ALG12: variants seen among roughly 807,000 people sequenced by gnomAD.
ALG12 encodes dol-P-Man:Man(7)GlcNAc(2)-PP-Dol alpha-1,6-mannosyltransferase.
In ALG12, 36 loss-of-function variants were observed where a neutral mutation model predicts 46.0. The ratio of observed to expected loss-of-function variants is 0.78; its 90% CI spans 0.60 to 1.03. The LOEUF (loss-of-function observed/expected upper bound fraction) is 1.03, where lower values mean the gene tolerates loss of function less well. Ranked by LOEUF, ALG12 falls within the 50% of genes least tolerant of loss-of-function variation. The probability of loss-of-function intolerance (pLI) is 0.00; values close to 1 mark genes in which losing one functional copy is unlikely to be tolerated. For synonymous variants in ALG12, 326 were observed against 291.6 expected (o/e 1.12, Z -1.20); for missense variants, 599 against 633.5 (o/e 0.95, Z 0.58).
At chr22:49,915,484 G>A (rs1156234833) in intron 1 of ALG12, among the ~76,000 whole-genome samples, 1 of 151,076 alleles carries the variant, frequency 6.6e-6, no homozygotes, top group East Asian at 1.9e-4. Flanking sequence ...TTGAGCCCAG[G>A]AGGCAGAGGC....
At position 49,902,971 on chromosome 22, in the gene ALG12, CTG is replaced by C. The variant is rs368052681; in HGVS notation, c.*865_*866del. On this transcript the variant is annotated 3_prime_UTR_variant, in exon 10 of 10. Transcript: ENST00000330817. ...TATGCATGGTGTGTGCACGTGTGCA[CTG>C]TGTGCATGCGTGTGTGGTGTGTGTG... 1,119 of 320,444 alleles carry C rather than the reference CTG, an allele frequency of 3.5e-3. 10 individuals are homozygous for C. Among genetic ancestry groups the C allele is most frequent in the African/African-American group, 0.023 (1,009 of 44,622 alleles). 19.9% of individuals were successfully genotyped at this position (320,444 alleles called of 1,614,324 possible). A position where few individuals can be genotyped will look rare whatever the true frequency, so the allele number is the denominator to read the frequency against.
chr22:49,884,083 A>G, the ALG12 span: 1 of 1,611,822 alleles, frequency 6.2e-7, no homozygotes, highest in East Asian at 2.2e-5. Context: ...GTACTGTGTG[A>G]AGGAGTTCAG....
chr22:49,914,983 C>T (rs888543576), intron 1 of ALG12, among the ~76,000 whole-genome samples: 1 of 152,246 alleles, frequency 6.6e-6, no homozygotes, highest in African/African-American at 2.4e-5. Flanking sequence ...CCTACCTTGG[C>T]CTCCTGAAGT....
At chr22:49,864,747 G>C in the ALG12 span, among the ~76,000 whole-genome samples, 8 of 147,172 alleles carry the variant, frequency 5.4e-5, no homozygotes, top group Non-Finnish European at 1.2e-4. Flanking sequence ...CTTGGGCCCA[G>C]GAGTTTGAGG....
chr22:49,871,039 C>T, the ALG12 span, among the ~76,000 whole-genome samples: 1 of 150,748 alleles, frequency 6.6e-6, no homozygotes, highest in Admixed American at 6.6e-5. Context: ...CTCCAGGGTT[C>T]AAGCAATTCT....
At chr22:49,875,038 G>A in the ALG12 span, among the ~76,000 whole-genome samples, 3 of 152,010 alleles carry the variant, frequency 2.0e-5, no homozygotes, top group African/African-American at 7.2e-5. Flanking sequence ...GAATCATGAC[G>A]TATTATCTTT....
chr22:49,911,647 T>TA (rs746176412), intron 3 of ALG12, among the ~76,000 whole-genome samples: 2 of 152,162 alleles, frequency 1.3e-5, no homozygotes, highest in Non-Finnish European at 2.9e-5. Context: ...TTGGCCAGGA[T>TA]GGTCTCAAAC....
At chr22:49,899,093 T>C (rs1217085262), downstream of ALG12, among the ~76,000 whole-genome samples, 1 of 152,094 alleles carries the variant, frequency 6.6e-6, no homozygotes, top group Non-Finnish European at 1.5e-5. Flanking sequence ...AGTTTGAGAC[T>C]AGCCTAGGCA....
At chr22:49,894,164 CA>C in the ALG12 span, among the ~76,000 whole-genome samples, 1 of 151,766 alleles carries the variant, frequency 6.6e-6, no homozygotes, top group East Asian at 1.9e-4. Context: ...GACTTCATCT[CA>C]AAAAAAATAA....
the ALG12 span, among the ~76,000 whole-genome samples, chr22:49,880,167 C>T: frequency 2.0e-5 from 3 of 152,136 alleles, no homozygotes. Flanking sequence ...CCTAACACGG[C>T]TTAAAAGAGC....
the ALG12 span, chr22:49,884,595 C>T: frequency 5.6e-6 from 9 of 1,612,080 alleles, no homozygotes; most frequent in East Asian, 2.2e-5. Flanking sequence ...ACTGCATGAA[C>T]GAGTTCAGCC....
At chr22:49,870,176 A>G in the ALG12 span, among the ~76,000 whole-genome samples, 8 of 152,324 alleles carry the variant, frequency 5.3e-5, no homozygotes, top group East Asian at 1.5e-3. Context: ...TTATGGCTGT[A>G]TAATATTCCA....
chr22:49,874,698 T>TTTTTTTTTG, the ALG12 span, among the ~76,000 whole-genome samples: 1 of 142,292 alleles, frequency 7.0e-6, no homozygotes, highest in Non-Finnish European at 1.5e-5. Context: ...TTTTTTTTTT[T>TTTTTTTTTG]GAGACGGAGT....
chr22:49,889,571 G>A, the ALG12 span: 3 of 167,122 alleles, frequency 1.8e-5, no homozygotes, highest in Non-Finnish European at 1.5e-5. Context: ...AAAAAATGAG[G>A]GCTTGCTTTA....
At chr22:49,871,000 G>A in the ALG12 span, among the ~76,000 whole-genome samples, 13 of 149,892 alleles carry the variant, frequency 8.7e-5, no homozygotes, top group African/African-American at 3.2e-4. Context: ...GAGTGCAGTG[G>A]TGCAATCTTG....
chr22:49,903,694 TG>T lies in ALG12; in HGVS notation c.*143del, dbSNP rs1471763499. The T allele has an allele frequency of 4.3e-6, 4 of 938,956 alleles. No individual in the cohort carries two copies. The highest frequency in any genetic ancestry group is 3.3e-6 in the Non-Finnish European group (2 of 598,058). The allele number at this position is 938,956 out of a possible 1,614,324, so 58.2% of individuals were successfully genotyped here. A position where few individuals can be genotyped will look rare whatever the true frequency, so the allele number is the denominator to read the frequency against. The stretch of plus-strand genomic sequence containing the variant: ...GAGGCTGTGGAGGAGGCCCTGGACC[TG>T]GTCTGGTGTCTGTCAGAGGCAGGTG... On this transcript the variant is annotated 3_prime_UTR_variant, in exon 10 of 10. Coordinates refer to ENST00000330817, the MANE Select transcript of ALG12 (RefSeq NM_024105.4).
chr22:49,901,956 T>C lies in ALG12; in HGVS notation c.*1882A>G, dbSNP rs1377866826. 7.2e-6 allele frequency: 1 copy of C among 139,530 alleles called. No homozygotes were observed. The highest frequency in any genetic ancestry group is 2.3e-4 in the East Asian group (1 of 4,376). The allele number at this position is 139,530 out of a possible 1,614,324, so 8.6% of individuals were successfully genotyped here. A position where few individuals can be genotyped will look rare whatever the true frequency, so the allele number is the denominator to read the frequency against. On this transcript the variant is annotated 3_prime_UTR_variant, in exon 10 of 10. Coordinates refer to ENST00000330817, the MANE Select transcript of ALG12 (RefSeq NM_024105.4). ...GTGTATGCACGGTAATGTGCACGTGTGCACTGTGTGTGGTGTGTATGCATG... is the reference window on the plus strand; with the variant it reads ...GTGTATGCACGGTAATGTGCACGTGCGCACTGTGTGTGGTGTGTATGCATG...
Position 49,913,740 on chromosome 22 carries a change from C to T in ALG12, c.26G>A (p.Arg9Lys), listed in dbSNP as rs774408821. The T allele has an allele frequency of 6.2e-7, 1 of 1,613,780 alleles. No individual in the cohort carries two copies. Among genetic ancestry groups the T allele is most frequent in the Admixed American group, 1.7e-5 (1 of 60,030 alleles). MAGKGSSGRRPLLLGLLVA... is the reference protein window; with the variant it reads MAGKGSSGKRPLLLGLLVA... ...CAGCAGCCCCAGCAGCAGGGGCCGC[C>T]TGCCTGATGACCCCTTTCCAGCCAT... is the stretch of plus-strand genomic sequence containing the variant. Residue 9 changes from arginine to lysine, a missense_variant, in exon 2 of 10, where the codon AGG becomes AAG. Arg to Lys is a conservative substitution (Grantham distance 26). Coordinates refer to ENST00000330817, the MANE Select transcript of ALG12 (RefSeq NM_024105.4).
chr22:49,906,871 A>G lies in ALG12; in HGVS notation c.992+850T>C, dbSNP rs1357965282. ...CCCCGGGTCCTTCCCCAGCACCCAC[A>G]GGGCCCGGCAGTGATGGACTCTCCT... is the stretch of plus-strand genomic sequence containing the variant. On this transcript the variant is annotated intron_variant, in intron 7 of 9. Transcript: ENST00000330817. This position sits in a 1 kb window ranked among gnomAD's most constrained non-coding sequence, Gnocchi z 4.4. Among the ~76,000 whole-genome samples the G allele has an allele frequency of 2.0e-5, 3 of 152,062 alleles. No individual in the cohort carries two copies. The highest frequency in any genetic ancestry group is 4.4e-5 in the Non-Finnish European group (3 of 67,976).
Sources: gnomAD v4.1 joint callset for allele counts (sites outside exome capture counted in the v4.1 genomes callset) on GRCh38, gnomAD v4.1.1 for gene constraint, Gnocchi (gnomAD v3.1) non-coding constraint, MANE v1.5 for transcripts, NCBI Gene and HGNC (gene_info 2026-07-23, HGNC 2026-07-21) for gene names.